Variants in NRG3 observed in about 807,000 individuals in gnomAD.
NRG3 encodes pro-neuregulin-3, membrane-bound isoform.
Under a neutral mutation model 66.9 loss-of-function variants are expected in NRG3, and 31 were observed. The ratio of observed to expected loss-of-function variants is 0.46; its 90% CI spans 0.35 to 0.63. The LOEUF (loss-of-function observed/expected upper bound fraction) is 0.63, where lower values mean the gene tolerates loss of function less well. Ranked by LOEUF, NRG3 falls within the 20% of genes least tolerant of loss-of-function variation. The probability of loss-of-function intolerance (pLI) is 0.00; values close to 1 mark genes in which losing one functional copy is unlikely to be tolerated. For synonymous variants in NRG3, 393 were observed against 359.4 expected, an observed-to-expected ratio of 1.09 and a Z score of -1.06; for missense variants, 910 against 878.9, an observed-to-expected ratio of 1.04 and a Z score of -0.45.
chr10:82,202,419 T>C (rs2074883942), intron 1 of NRG3, among the ~76,000 whole-genome samples: 1 of 152,164 alleles, frequency 6.6e-6, no homozygotes, highest in Non-Finnish European at 1.5e-5. Context: ...TTTGGGAAAC[T>C]GAAGGCAAAA....
chr10:82,917,992 A>C (rs1419618581), intron 4 of NRG3, among the ~76,000 whole-genome samples: 131 of 103,780 alleles, frequency 1.3e-3, no homozygotes, highest in Middle Eastern at 5.2e-3. Context: ...ATATATATAT[A>C]TGTATGTATG....
intron 3 of NRG3, among the ~76,000 whole-genome samples, chr10:82,775,214 TC>T (rs1039528079): frequency 2.8e-5 from 4 of 142,678 alleles, no homozygotes; most frequent in Non-Finnish European, 4.5e-5. Context: ...ATATTTGGGA[TC>T]TTTTTTTTTT....
chr10:82,295,907 C>CAAAA (rs72023797), intron 1 of NRG3, among the ~76,000 whole-genome samples: 1 of 150,554 alleles, frequency 6.6e-6, no homozygotes, highest in Non-Finnish European at 1.5e-5. Flanking sequence ...TAAAAAAGGA[C>CAAAA]AAAAAAAACC....
chr10:82,254,475 C>G (rs1407465616), intron 1 of NRG3, among the ~76,000 whole-genome samples: 1 of 152,158 alleles, frequency 6.6e-6, no homozygotes, highest in African/African-American at 2.4e-5. Context: ...ACCTCAGTGA[C>G]AGTGAGCACA....
intron 1 of NRG3, among the ~76,000 whole-genome samples, chr10:81,950,057 A>G (rs976059224): frequency 2.0e-5 from 3 of 152,298 alleles, no homozygotes; most frequent in African/African-American, 7.2e-5. Flanking sequence ...CTTGAGGCGT[A>G]TATGATTTGC....
At chr10:82,621,643 G>A (rs1438227110) in intron 2 of NRG3, among the ~76,000 whole-genome samples, 2 of 152,258 alleles carry the variant, frequency 1.3e-5, no homozygotes, top group African/African-American at 4.8e-5. Context: ...AGACTGGGGG[G>A]AGATAGTAAA....
At chr10:82,502,920 TA>T (rs1418488636) in intron 2 of NRG3, among the ~76,000 whole-genome samples, 2 of 152,184 alleles carry the variant, frequency 1.3e-5, no homozygotes, top group Admixed American at 6.5e-5. Context: ...TCGACTTATT[TA>T]AAATGTTATT....
At chr10:82,643,800 C>T (rs906965083) in intron 2 of NRG3, among the ~76,000 whole-genome samples, 3 of 151,900 alleles carry the variant, frequency 2.0e-5, no homozygotes, top group African/African-American at 7.3e-5. Context: ...CTGGGTTCTA[C>T]TTATTCGTTA....
chr10:82,587,231 G>T (rs571350344), intron 2 of NRG3, among the ~76,000 whole-genome samples: 6 of 152,168 alleles, frequency 3.9e-5, no homozygotes, highest in African/African-American at 1.4e-4. Context: ...AGTCATTAAG[G>T]ATATTCATTA....
intron 2 of NRG3, among the ~76,000 whole-genome samples, chr10:82,734,085 C>A (rs1251576289): frequency 6.6e-6 from 1 of 152,214 alleles, no homozygotes; most frequent in East Asian, 1.9e-4. Flanking sequence ...CTTTACCACA[C>A]CAGGCAAAAC....
rs186739052 is a variant in NRG3 at position 82,476,647 on chromosome 10, A to G, written c.953+117779A>G. 1.2e-4 allele frequency among the ~76,000 whole-genome samples: 18 copies of G among 152,294 alleles called. No homozygotes were observed. The East Asian group carries it at 2.9e-3, about 25-fold the overall frequency. On this transcript the variant is annotated intron_variant, in intron 2 of 8. Coordinates refer to ENST00000372141, the MANE Select transcript of NRG3 (RefSeq NM_001010848.4). ...ATGGCTCTCCTTATATGAGGTACCA[A>G]AAGTAATCAAATTCATAGAGACAAA...
intron 1 of NRG3, among the ~76,000 whole-genome samples, chr10:82,016,095 A>G (rs12572315): frequency 0.056 from 8,457 of 151,664 alleles, 335 homozygotes; most frequent in East Asian, 0.15. Context: ...AGCAGTGTTA[A>G]TATATTAATT....
chr10:82,183,685 G>A (rs1019502232), intron 1 of NRG3, among the ~76,000 whole-genome samples: 6 of 152,156 alleles, frequency 3.9e-5, no homozygotes, highest in African/African-American at 1.2e-4. Flanking sequence ...GAGGTATTTG[G>A]CAATGTCTAG....
chr10:82,973,641 A>G, intron 6 of NRG3, 147 bp from the exon 7 acceptor site: 2 of 787,242 alleles, frequency 2.5e-6, no homozygotes, highest in Non-Finnish European at 4.2e-6. Flanking sequence ...TGGAAACAGG[A>G]CACAAATTAT....
chr10:82,788,048 A>G (rs974011480), intron 3 of NRG3, among the ~76,000 whole-genome samples: 4 of 152,224 alleles, frequency 2.6e-5, no homozygotes, highest in Non-Finnish European at 4.4e-5. Context: ...AGAAATTTTG[A>G]AAGCTGCTCA....
chr10:82,242,686 G>A (rs2077056937), intron 1 of NRG3, among the ~76,000 whole-genome samples: 1 of 152,186 alleles, frequency 6.6e-6, no homozygotes, highest in South Asian at 2.1e-4. Flanking sequence ...TTCTTGTGGA[G>A]GAGATTAGGT....
In NRG3 at chr10:81,878,116, A is replaced by G. The variant is rs527884760; in HGVS notation, c.823+1953A>G. The stretch of plus-strand genomic sequence containing the variant: ...CCAAGGTAATTATTTCTACCCCTCT[A>G]TGCTCTCTTCCTACATTCCGTGGAC... On this transcript the variant is annotated intron_variant, in intron 1 of 8. Transcript: ENST00000372141. The G allele has an allele frequency of 5.0e-5, 75 of 1,505,094 alleles. No homozygotes were observed. The African/African-American group carries it at 8.2e-4, about 16-fold the overall frequency. 93.2% of individuals were successfully genotyped at this position (1,505,094 alleles called of 1,614,324 possible).
intron 4 of NRG3, among the ~76,000 whole-genome samples, chr10:82,914,500 G>A (rs1845644716): frequency 6.6e-6 from 1 of 152,036 alleles, no homozygotes; most frequent in African/African-American, 2.4e-5. Flanking sequence ...AGGTGTCAGA[G>A]GCTAAAATTT....
rs375083278 is a variant in NRG3 at position 82,561,276 on chromosome 10, C to A, written c.954-177301C>A. Among the ~76,000 whole-genome samples, 6 of 152,096 alleles carry A rather than the reference C, an allele frequency of 3.9e-5. No individual in the cohort carries two copies. The East Asian group carries it at 9.6e-4, about 24-fold the overall frequency. ...ACCGTAAATGGCCTATTTAAATTTG[C>A]TGCTTTTTGTTGTTGTTGTTGTTAA... On this transcript the variant is annotated intron_variant, in intron 2 of 8. Transcript: ENST00000372141.
Sources: allele counts gnomAD v4.1 joint callset (sites outside exome capture counted in the v4.1 genomes callset), GRCh38; gene constraint gnomAD v4.1.1; transcripts MANE v1.5; gene names NCBI Gene and HGNC (gene_info 2026-07-23, HGNC 2026-07-21).